AOPEP: variants seen among roughly 807,000 people sequenced by gnomAD.
AOPEP encodes the protein aminopeptidase O.
Under a neutral mutation model 98.1 loss-of-function variants are expected in AOPEP, and 77 were observed. That is an observed-to-expected ratio of 0.78 (90% confidence interval 0.65 to 0.95). AOPEP has a LOEUF of 0.95. Among genes scored for constraint, AOPEP ranks in the 40% least tolerant of loss-of-function variants. The pLI, the probability that AOPEP is intolerant of heterozygous loss-of-function variation, is 0.00. For missense variants in AOPEP, 1,024 were observed against 1,024.7 expected (o/e 1.00, Z 0.01); for synonymous variants, 346 against 365.3 (o/e 0.95, Z 0.60).
At chr9:94,784,025 G>A (rs1029977732) in intron 3 of AOPEP, among the ~76,000 whole-genome samples, 1 of 152,208 alleles carries the variant, frequency 6.6e-6, no homozygotes, top group African/African-American at 2.4e-5. Flanking sequence ...CTAACCTATA[G>A]TGGAGAGGTT....
intron 13 of AOPEP, among the ~76,000 whole-genome samples, chr9:95,048,104 A>G (rs1564570489): frequency 6.6e-6 from 1 of 151,796 alleles, no homozygotes; most frequent in Non-Finnish European, 1.5e-5. Context: ...AAACTTAAAA[A>G]TTTATTTATG....
At chr9:95,098,810 G>A in the AOPEP span, among the ~76,000 whole-genome samples, 2 of 152,218 alleles carry the variant, frequency 1.3e-5, no homozygotes, top group Admixed American at 6.5e-5. Context: ...GATATGAAAC[G>A]CATGTAACCT....
intron 5 of AOPEP, among the ~76,000 whole-genome samples, chr9:94,828,688 G>T (rs951301427): frequency 6.6e-6 from 1 of 151,752 alleles, no homozygotes; most frequent in Non-Finnish European, 1.5e-5. Flanking sequence ...TACCTGGATT[G>T]CCTGTTAAAA....
intron 5 of AOPEP, among the ~76,000 whole-genome samples, chr9:94,865,245 G>A (rs1487692699): frequency 6.6e-6 from 1 of 152,190 alleles, no homozygotes; most frequent in Non-Finnish European, 1.5e-5. Flanking sequence ...TAAAACAAAT[G>A]AGGACTTAGG....
intron 7 of AOPEP, among the ~76,000 whole-genome samples, chr9:94,950,967 T>C (rs959250297): frequency 1.3e-5 from 2 of 152,196 alleles, no homozygotes; most frequent in Non-Finnish European, 2.9e-5. Flanking sequence ...TCATTATGTA[T>C]CAAATATCAC....
intron 5 of AOPEP, among the ~76,000 whole-genome samples, chr9:94,855,611 T>C (rs376037310): frequency 2.0e-5 from 3 of 152,124 alleles, no homozygotes; most frequent in African/African-American, 7.2e-5. Context: ...CGCTTGAACC[T>C]GGGAGGTGGA....
At chr9:94,803,585 A>T (rs1014682158) in intron 5 of AOPEP, among the ~76,000 whole-genome samples, 1 of 152,246 alleles carries the variant, frequency 6.6e-6, no homozygotes, top group Non-Finnish European at 1.5e-5. Context: ...ACTTGAATGT[A>T]TGATAATGAC....
intron 5 of AOPEP, among the ~76,000 whole-genome samples, chr9:94,913,221 C>G (rs2052337225): frequency 6.6e-6 from 1 of 152,132 alleles, no homozygotes; most frequent in African/African-American, 2.4e-5. Flanking sequence ...CTGATGCATT[C>G]CATTTGGGGA....
intron 13 of AOPEP, chr9:95,021,748 G>A (rs2063476350): frequency 6.6e-6 from 1 of 152,234 alleles, no homozygotes; most frequent in African/African-American, 2.4e-5. Flanking sequence ...ACATCGCTGT[G>A]TGCATCTAAC....
chr9:95,093,308 G>A, the AOPEP span, among the ~76,000 whole-genome samples: 31 of 152,174 alleles, frequency 2.0e-4, no homozygotes, highest in African/African-American at 6.0e-4. Context: ...GGGCACATGC[G>A]TCCAGTCATA....
intron 5 of AOPEP, among the ~76,000 whole-genome samples, chr9:94,892,723 T>G (rs557939914): frequency 2.6e-4 from 40 of 152,352 alleles, no homozygotes; most frequent in African/African-American, 8.4e-4. Context: ...CTTTCTATTA[T>G]TTTTTAAAGA....
the AOPEP span, among the ~76,000 whole-genome samples, chr9:95,134,051 G>A: frequency 3.3e-5 from 5 of 152,066 alleles, no homozygotes; most frequent in Admixed American, 2.6e-4. Flanking sequence ...CTCTTCTATC[G>A]TGGTAAACTT....
intron 10 of AOPEP, among the ~76,000 whole-genome samples, chr9:94,968,237 C>T (rs2059327204): frequency 6.6e-6 from 1 of 152,070 alleles, no homozygotes; most frequent in African/African-American, 2.4e-5. Context: ...TTTTTAAACC[C>T]AGCTCTGCCA....
intron 5 of AOPEP, among the ~76,000 whole-genome samples, chr9:94,889,359 A>T (rs913539822): frequency 4.6e-5 from 7 of 152,342 alleles, no homozygotes; most frequent in African/African-American, 1.7e-4. Context: ...TTTACTGCTG[A>T]GTAGAATTTC....
intron 9 of AOPEP, among the ~76,000 whole-genome samples, chr9:94,960,736 G>A (rs1371780010): frequency 6.6e-6 from 1 of 152,150 alleles, no homozygotes; most frequent in Non-Finnish European, 1.5e-5. Context: ...TTGTGGGCCG[G>A]GTGCGGTGGC....
intron 15 of AOPEP, among the ~76,000 whole-genome samples, chr9:95,081,141 C>G (rs185833917): frequency 1.3e-5 from 2 of 152,328 alleles, no homozygotes; most frequent in African/African-American, 4.8e-5. Context: ...ACGTGCAAGT[C>G]AGACTGGGAG....
intron 10 of AOPEP, among the ~76,000 whole-genome samples, chr9:94,978,854 TGAAAG>T (rs1161747820): frequency 2.0e-5 from 3 of 152,002 alleles, no homozygotes; most frequent in African/African-American, 7.3e-5. Context: ...GGGGCCCGGT[TGAAAG>T]GAGACAGTGG....
In AOPEP at chr9:94,960,918, A is replaced by G. The variant is rs189940602; in HGVS notation, c.1872+4903A>G. Among the ~76,000 whole-genome samples, 1,379 of 151,956 alleles carry G rather than the reference A, an allele frequency of 9.1e-3. 9 individuals carry two copies. Among genetic ancestry groups the G allele is most frequent in the Non-Finnish European group, 0.015 (1,039 of 67,938 alleles). On this transcript the variant is annotated intron_variant, in intron 9 of 16. Coordinates refer to ENST00000375315, the MANE Select transcript of AOPEP (RefSeq NM_001193329.3). ...TCCCAGCTACTCGGGAGGCTGAGGC[A>G]GGAGAATGGCGTGAACCCGGGAGGC...
the AOPEP span, chr9:95,150,224 A>G: frequency 3.9e-6 from 3 of 770,032 alleles, no homozygotes; most frequent in Non-Finnish European, 4.4e-6. Context: ...CTCTAACACC[A>G]TCGATGAACA....
Sources: allele counts gnomAD v4.1 joint callset (sites outside exome capture counted in the v4.1 genomes callset), GRCh38; gene constraint gnomAD v4.1.1; transcripts MANE v1.5; gene names NCBI Gene and HGNC (gene_info 2026-07-23, HGNC 2026-07-21).